Variants in UNC79 observed in about 807,000 individuals in gnomAD.
UNC79 encodes the protein protein unc-79 homolog.
In UNC79, 37 loss-of-function variants were observed where a neutral mutation model predicts 283.1. The observed-to-expected ratio is 0.13, with a 90% confidence interval of 0.10 to 0.17. The LOEUF is 0.17. Among genes scored for constraint, UNC79 ranks in the 10% least tolerant of loss-of-function variants. UNC79 has a pLI of 1.00. For synonymous variants in UNC79, 1,107 were observed against 1,200.2 expected, an observed-to-expected ratio of 0.92 and a Z score of 1.61; for missense variants, 2,272 against 3,211.1, an observed-to-expected ratio of 0.71 and a Z score of 7.07.
chr14:93,485,851 T>A (rs1460401083), intron 4 of UNC79, among the ~76,000 whole-genome samples: 1 of 152,220 alleles, frequency 6.6e-6, no homozygotes, highest in Non-Finnish European at 1.5e-5. Context: ...TTTGTTTGTT[T>A]ATTTCTGTAA....
chr14:93,542,104 T>A (rs2061409860), intron 13 of UNC79, among the ~76,000 whole-genome samples: 1 of 151,600 alleles, frequency 6.6e-6, no homozygotes, highest in Admixed American at 6.6e-5. Context: ...TAGCAAAATA[T>A]GATCATTTTA....
intron 1 of UNC79, among the ~76,000 whole-genome samples, chr14:93,425,147 A>G (rs2055696219): frequency 2.0e-5 from 3 of 152,210 alleles, no homozygotes; most frequent in African/African-American, 7.2e-5. Flanking sequence ...GGGAGGCCTC[A>G]GGAAACTTAA....
chr14:93,335,276 C>T (rs552796003), intron 1 of UNC79, among the ~76,000 whole-genome samples: 2 of 152,262 alleles, frequency 1.3e-5, no homozygotes, highest in Non-Finnish European at 2.9e-5. Flanking sequence ...CTTATTATAC[C>T]ATTTAACTGT....
In UNC79 at chr14:93,638,572, C is replaced by T. The variant is rs188920151; in HGVS notation, c.5800+1273C>T. On this transcript the variant is annotated intron_variant, in intron 32 of 48. Transcript: ENST00000555664. ...CATAATTTTTCCTGTCTCCAAGACT[C>T]GCAAAGGGACTTTTGTCAAAATCTT... Among the ~76,000 whole-genome samples, 16 of 152,290 alleles carry T rather than the reference C, an allele frequency of 1.1e-4. No individual in the cohort carries two copies. In the East Asian group the frequency reaches 2.9e-3, roughly 28 times the overall value.
At chr14:93,582,100 C>G (rs560484010) in intron 19 of UNC79, 103 bp from the exon 20 acceptor site, 1 of 1,579,032 alleles carries the variant, frequency 6.3e-7, no homozygotes, top group East Asian at 2.2e-5. Context: ...AGCATGGGAC[C>G]CGAGACACAG....
intron 1 of UNC79, among the ~76,000 whole-genome samples, chr14:93,349,594 A>C (rs1369760798): frequency 6.6e-6 from 1 of 152,022 alleles, no homozygotes; most frequent in African/African-American, 2.4e-5. Flanking sequence ...TCTCCTCTAC[A>C]TTCTGTTTGC....
chr14:93,706,618 C>A (rs2141119376), intron 48 of UNC79, 86 bp from the exon 52 acceptor site: 2 of 1,492,856 alleles, frequency 1.3e-6, no homozygotes, highest in Non-Finnish European at 1.8e-6. Context: ...AGCCTAAATT[C>A]TGCCTGCAAG....
intron 23 of UNC79, among the ~76,000 whole-genome samples, chr14:93,595,895 C>G (rs1432807226): frequency 6.6e-6 from 1 of 152,104 alleles, no homozygotes; most frequent in Non-Finnish European, 1.5e-5. Flanking sequence ...TCCCAAGTGC[C>G]TAAGATAGTT....
intron 14 of UNC79, among the ~76,000 whole-genome samples, chr14:93,559,575 CT>C (rs1474166375): frequency 6.6e-6 from 1 of 151,900 alleles, no homozygotes; most frequent in African/African-American, 2.4e-5. Context: ...TGTTCTCTGG[CT>C]GGCAGGGGTG....
At chr14:93,574,713 G>A (rs2063378293) in intron 16 of UNC79, among the ~76,000 whole-genome samples, 1 of 152,120 alleles carries the variant, frequency 6.6e-6, no homozygotes, top group Non-Finnish European at 1.5e-5. Flanking sequence ...AGATCAGAGT[G>A]GGGATGGACT....
intron 31 of UNC79, among the ~76,000 whole-genome samples, chr14:93,633,863 G>A (rs543460188): frequency 9.2e-5 from 14 of 152,192 alleles, no homozygotes; most frequent in African/African-American, 2.4e-4. Context: ...GAATATACTC[G>A]TGGAATGTTG....
intron 4 of UNC79, among the ~76,000 whole-genome samples, chr14:93,481,616 A>G (rs1415935743): frequency 1.3e-5 from 2 of 152,098 alleles, no homozygotes; most frequent in Non-Finnish European, 2.9e-5. Context: ...CTTCAGGAAA[A>G]ATAAAGGTTC....
intron 31 of UNC79, 29 bp downstream of exon 34, chr14:93,634,666 C>G (rs182217284): frequency 2.6e-6 from 4 of 1,564,550 alleles, no homozygotes; most frequent in Non-Finnish European, 2.6e-6. Context: ...TCTCATTCTA[C>G]CTCTCGGATT....
chr14:93,438,562 A>G (rs1283668999), intron 1 of UNC79, among the ~76,000 whole-genome samples: 1 of 152,052 alleles, frequency 6.6e-6, no homozygotes, highest in African/African-American at 2.4e-5. Context: ...CTGGAGGCTA[A>G]AATTTTTGTG....
chr14:93,534,381 G>A (rs1299324315), intron 11 of UNC79, among the ~76,000 whole-genome samples: 1 of 152,154 alleles, frequency 6.6e-6, no homozygotes, highest in Non-Finnish European at 1.5e-5. Flanking sequence ...TTTTCATTTA[G>A]AACTGCGTCT....
chr14:93,415,826 C>T (rs1417152510), intron 1 of UNC79, among the ~76,000 whole-genome samples: 1 of 151,314 alleles, frequency 6.6e-6, no homozygotes, highest in Admixed American at 6.6e-5. Flanking sequence ...TTGTAGTATT[C>T]TCTGATGGTA....
chr14:93,581,934 G>A (rs2063848676), intron 19 of UNC79, among the ~76,000 whole-genome samples: 1 of 152,200 alleles, frequency 6.6e-6, no homozygotes, highest in Non-Finnish European at 1.5e-5. Flanking sequence ...GAGAAAGCAG[G>A]CCTAGGAAGA....
intron 41 of UNC79, among the ~76,000 whole-genome samples, chr14:93,674,240 T>G (rs938653879): frequency 6.6e-6 from 1 of 152,136 alleles, no homozygotes; most frequent in Non-Finnish European, 1.5e-5. Context: ...GGAAGTAGCA[T>G]TTGAGTTGGG....
At chr14:93,563,846 A>G (rs1327863039) in intron 14 of UNC79, among the ~76,000 whole-genome samples, 1 of 152,210 alleles carries the variant, frequency 6.6e-6, no homozygotes. Flanking sequence ...AGACTCAACA[A>G]AGAGTGAGTA....
Sources: gnomAD v4.1 joint callset for allele counts (sites outside exome capture counted in the v4.1 genomes callset) on GRCh38, gnomAD v4.1.1 for gene constraint, MANE v1.5 for transcripts, NCBI Gene and HGNC (gene_info 2026-07-23, HGNC 2026-07-21) for gene names.